The following COPS2 variants were observed in gnomAD, a reference collection of about 807,000 sequenced individuals.
COPS2 encodes COP9 signalosome complex subunit 2.
Under a neutral mutation model 66.1 loss-of-function variants are expected in COPS2, and 10 were observed. The observed-to-expected ratio is 0.15, with a 90% CI of 0.09 to 0.26. The LOEUF is 0.26. Among genes scored for constraint, COPS2 ranks in the 10% least tolerant of loss-of-function variants. The probability of loss-of-function intolerance (pLI) is 1.00; values close to 1 mark genes in which losing one functional copy is unlikely to be tolerated. For missense variants in COPS2, 215 were observed against 513.3 expected (o/e 0.42, Z 5.62); for synonymous variants, 179 against 171.3 (o/e 1.04, Z -0.35).
At chr15:49,131,401 A>G (rs2084207490) in intron 9 of COPS2, among the ~76,000 whole-genome samples, 1 of 151,464 alleles carries the variant, frequency 6.6e-6, no homozygotes, top group Non-Finnish European at 1.5e-5. Context: ...ATTTATATTC[A>G]TAATTCTCTG....
rs757069077 is a variant in COPS2 at position 49,130,701 on chromosome 15, T to C, written c.1045+18A>G. ...TGGCAAAGAAAGTAATAGAATCCAGTTGGCAGAAAGAACATACCTTCAATG... is the reference window on the plus strand; with the variant it reads ...TGGCAAAGAAAGTAATAGAATCCAGCTGGCAGAAAGAACATACCTTCAATG... On this transcript the variant is annotated intron_variant, in intron 10 of 12. Transcript: ENST00000388901. 9 of 1,433,048 alleles carry C rather than the reference T, an allele frequency of 6.3e-6. No homozygotes were observed. Among genetic ancestry groups the C allele is most frequent in the Middle Eastern group, 1.8e-4 (1 of 5,674 alleles). The allele number at this position is 1,433,048 out of a possible 1,614,324, so 88.8% of individuals were successfully genotyped here.
At chr15:49,142,363 CCCT>C (rs1347504622) in intron 3 of COPS2, among the ~76,000 whole-genome samples, 2 of 152,024 alleles carry the variant, frequency 1.3e-5, no homozygotes, top group Non-Finnish European at 1.5e-5. Flanking sequence ...CATGGAGTGC[CCCT>C]CCTATTAAAG....
chr15:49,141,517 A>G (rs2084289622), intron 3 of COPS2, among the ~76,000 whole-genome samples: 2 of 152,200 alleles, frequency 1.3e-5, no homozygotes, highest in South Asian at 4.1e-4. Flanking sequence ...AGAAAAAAAA[A>G]AAGTTAGCTT....
rs1367205376 is a variant in COPS2 at position 49,124,307 on chromosome 15, G to GGTGGCA, written c.*3637_*3642dup. ...GAATCGCTTGAACCCGGGAGGTGGA[G>GGTGGCA]GTGGCAGTGAACTGAGATTGCGCCA... is the stretch of plus-strand genomic sequence containing the variant. On this transcript the variant is annotated 3_prime_UTR_variant, in exon 13 of 13. Transcript: ENST00000388901. The GGTGGCA allele has an allele frequency of 6.6e-6, 1 of 152,182 alleles. No individual in the cohort carries two copies. Among genetic ancestry groups the GGTGGCA allele is most frequent in the African/African-American group, 2.4e-5 (1 of 41,418 alleles). 9.4% of individuals were successfully genotyped at this position (152,182 alleles called of 1,614,324 possible).
chr15:49,151,390 A>G (rs986623353), intron 1 of COPS2, among the ~76,000 whole-genome samples: 1 of 140,282 alleles, frequency 7.1e-6, no homozygotes, highest in African/African-American at 2.5e-5. Flanking sequence ...AAAGAGCACA[A>G]CTCTGTCTCA....
chr15:49,154,323 A>G (rs1231359980), intron 1 of COPS2, among the ~76,000 whole-genome samples: 1 of 152,214 alleles, frequency 6.6e-6, no homozygotes, highest in Non-Finnish European at 1.5e-5. Context: ...GTAAGGTAGA[A>G]ACCATAACTA....
At chr15:49,132,346 A>G (rs1366522010) in intron 9 of COPS2, among the ~76,000 whole-genome samples, 1 of 151,962 alleles carries the variant, frequency 6.6e-6, no homozygotes, top group Non-Finnish European at 1.5e-5. Flanking sequence ...TCCCCCTAAA[A>G]AAAAACGCTT....
At chr15:49,136,063 A>G (rs1406623124) in intron 6 of COPS2, among the ~76,000 whole-genome samples, 2 of 152,192 alleles carry the variant, frequency 1.3e-5, no homozygotes, top group Non-Finnish European at 2.9e-5. Context: ...TAAGTGACTA[A>G]TCTGCTTTAC....
chr15:49,128,569 ATCTCT>A, intron 12 of COPS2, 128 bp downstream of exon 12: 1 of 593,640 alleles, frequency 1.7e-6, no homozygotes, highest in Non-Finnish European at 3.0e-6. Context: ...ATACATATAT[ATCTCT>A]TCTAATAGAA....
chr15:49,140,505 T>A lies in COPS2; in HGVS notation c.247-852A>T, dbSNP rs182893640. 3.1e-3 allele frequency among the ~76,000 whole-genome samples: 476 copies of A among 152,272 alleles called. 2 individuals are homozygous for A. The highest frequency in any genetic ancestry group is 0.01 in the Middle Eastern group (3 of 294). On this transcript the variant is annotated intron_variant, in intron 3 of 12. Coordinates refer to ENST00000388901, the MANE Select transcript of COPS2 (RefSeq NM_004236.4). ...TTTCAAGTCAAGAAAAGACCCCCCA[T>A]CTAAGGTTCTATTCAAAAGTAGATA...
intron 3 of COPS2, among the ~76,000 whole-genome samples, chr15:49,143,900 C>T (rs2084304693): frequency 2.0e-5 from 3 of 151,592 alleles, no homozygotes; most frequent in Admixed American, 1.3e-4. Flanking sequence ...GCAGGAGAAT[C>T]ACTTGAACCC....
Position 49,126,123 on chromosome 15 carries a change from A to T in COPS2, c.*1827T>A, listed in dbSNP as rs2084163647. On this transcript the variant is annotated 3_prime_UTR_variant, in exon 13 of 13. Transcript: ENST00000388901. ...TCCTAATTAATATCACTCTTGTAAAAAAAGTTTAGCACACTTTTCACAAAT... is the reference window on the plus strand; with the variant it reads ...TCCTAATTAATATCACTCTTGTAAATAAAGTTTAGCACACTTTTCACAAAT... 6.6e-6 allele frequency: 1 copy of T among 152,528 alleles called. No homozygotes were observed. Among genetic ancestry groups the T allele is most frequent in the South Asian group, 2.1e-4 (1 of 4,834 alleles). The allele number at this position is 152,528 out of a possible 1,614,324, so 9.4% of individuals were successfully genotyped here. A position where few individuals can be genotyped will look rare whatever the true frequency, so the allele number is the denominator to read the frequency against.
chr15:49,129,266 C>G (rs2084191644), intron 11 of COPS2, among the ~76,000 whole-genome samples: 3 of 151,204 alleles, frequency 2.0e-5, no homozygotes, highest in Admixed American at 1.3e-4. Flanking sequence ...TGAATAGCCA[C>G]TGTACTCCAG....
At chr15:49,132,954 C>G (rs1331447694) in intron 9 of COPS2, among the ~76,000 whole-genome samples, 1 of 151,924 alleles carries the variant, frequency 6.6e-6, no homozygotes, top group Admixed American at 6.6e-5. Flanking sequence ...TCTGTCACCC[C>G]ACACTCCACC....
chr15:49,150,144 C>T (rs1052228479), intron 1 of COPS2, among the ~76,000 whole-genome samples: 9 of 150,796 alleles, frequency 6.0e-5, no homozygotes, highest in Non-Finnish European at 7.4e-5. Flanking sequence ...AAAAATTAGC[C>T]GGGCATGGTG....
chr15:49,139,863 G>A (rs944309575), intron 3 of COPS2, among the ~76,000 whole-genome samples: 2 of 152,130 alleles, frequency 1.3e-5, no homozygotes, highest in Non-Finnish European at 2.9e-5. Flanking sequence ...AATGTATAAA[G>A]TTAGCTTATG....
At position 49,135,256 on chromosome 15, in the gene COPS2, T is replaced by C. The variant is rs140513305; in HGVS notation, c.541-742A>G. ...TACGTATGAAATGTTTTAATGTTTA[T>C]GTTTTTATCTAGGAGATTTATTATT... On this transcript the variant is annotated intron_variant, in intron 6 of 12. Transcript: ENST00000388901. Among the ~76,000 whole-genome samples the C allele has an allele frequency of 1.2e-3, 181 of 152,334 alleles. 3 individuals are homozygous for C. In the East Asian group the frequency reaches 0.016, roughly 13 times the overall value.
intron 1 of COPS2, among the ~76,000 whole-genome samples, chr15:49,149,642 G>T (rs943560234): frequency 2.0e-5 from 3 of 152,260 alleles, no homozygotes; most frequent in South Asian, 4.1e-4. Context: ...AGCAGCCAGG[G>T]TCAATTTTGA....
intron 9 of COPS2, among the ~76,000 whole-genome samples, chr15:49,132,662 A>G (rs974624384): frequency 6.6e-6 from 1 of 151,814 alleles, no homozygotes; most frequent in Admixed American, 6.6e-5. Context: ...CTTAAAATAA[A>G]AGACTTGAAG....
Sources: gnomAD v4.1 joint callset for allele counts (sites outside exome capture counted in the v4.1 genomes callset) on GRCh38, gnomAD v4.1.1 for gene constraint, MANE v1.5 for transcripts, NCBI Gene and HGNC (gene_info 2026-07-23, HGNC 2026-07-21) for gene names.